Variants in CD109 observed in about 807,000 individuals in gnomAD.
The protein encoded by CD109 is CD109 antigen.
A neutral mutation model predicts 165.8 loss-of-function variants in CD109; 149 were observed. The observed-to-expected ratio is 0.90, with a 90% CI of 0.79 to 1.03. The LOEUF (loss-of-function observed/expected upper bound fraction) is 1.03, where lower values mean the gene tolerates loss of function less well. Among genes scored for constraint, CD109 ranks in the 50% least tolerant of loss-of-function variants. CD109 has a pLI of 0.00. For synonymous variants in CD109, 585 were observed against 592.1 expected, an observed-to-expected ratio of 0.99 and a Z score of 0.18; for missense variants, 1,712 against 1,677.8, an observed-to-expected ratio of 1.02 and a Z score of -0.36.
At chr6:73,688,257 T>C in the CD109 span, among the ~76,000 whole-genome samples, 7 of 152,300 alleles carry the variant, frequency 4.6e-5, no homozygotes, top group Middle Eastern at 6.8e-3. Context: ...AAAATACACA[T>C]ATTGGTCTCT....
At chr6:73,802,302 TATA>T (rs1387031256) in intron 23 of CD109, among the ~76,000 whole-genome samples, 2 of 104,702 alleles carry the variant, frequency 1.9e-5, no homozygotes, top group South Asian at 3.2e-4. Context: ...TATATATATA[TATA>T]TTTTTTTTTT....
rs117601934 is a variant in CD109, at chr6:73,728,683, T to G, written c.277-1661T>G. ...GTTTCTTGCACTTTCTTCATATTCTTAACCACATTGATAGCATTCTGATGT... is the reference window on the plus strand; with the variant it reads ...GTTTCTTGCACTTTCTTCATATTCTGAACCACATTGATAGCATTCTGATGT... On this transcript the variant is annotated intron_variant, in intron 3 of 32. Coordinates refer to ENST00000287097, the MANE Select transcript of CD109 (RefSeq NM_133493.5). Among the ~76,000 whole-genome samples the G allele has an allele frequency of 1.1e-4, 16 of 152,340 alleles. No individual in the cohort carries two copies. In the East Asian group the frequency reaches 2.7e-3, roughly 26 times the overall value.
chr6:73,763,977 T>C (rs1178104688), intron 10 of CD109, among the ~76,000 whole-genome samples: 1 of 152,236 alleles, frequency 6.6e-6, no homozygotes, highest in Non-Finnish European at 1.5e-5. Flanking sequence ...TTAATTGAAA[T>C]AATTACATGG....
At chr6:73,736,862 C>A (rs1034776010) in intron 5 of CD109, among the ~76,000 whole-genome samples, 4 of 152,194 alleles carry the variant, frequency 2.6e-5, no homozygotes, top group African/African-American at 7.2e-5. Flanking sequence ...AGAATAATGA[C>A]TCCTAATGAG....
At chr6:73,732,358 A>G (rs1467947979) in intron 4 of CD109, among the ~76,000 whole-genome samples, 1 of 152,244 alleles carries the variant, frequency 6.6e-6, no homozygotes, top group South Asian at 2.1e-4. Flanking sequence ...AGCCAGTATC[A>G]CATTTGTTGC....
In CD109 at chr6:73,721,305, G is replaced by A. The variant is rs141991071; in HGVS notation, c.248-1946G>A. Among the ~76,000 whole-genome samples, 12 of 152,040 alleles carry A rather than the reference G, an allele frequency of 7.9e-5. No individual in the cohort carries two copies. In the South Asian group the frequency reaches 2.1e-3, roughly 26 times the overall value. On this transcript the variant is annotated intron_variant, in intron 2 of 32. Coordinates refer to ENST00000287097, the MANE Select transcript of CD109 (RefSeq NM_133493.5). ...TAGTCTTCAAAGTGAGTGTGCACACGTCTAAGAGTATATGAGACCATTTAT... is the reference window on the plus strand; with the variant it reads ...TAGTCTTCAAAGTGAGTGTGCACACATCTAAGAGTATATGAGACCATTTAT...
chr6:73,764,880 G>A (rs569438073), intron 10 of CD109, among the ~76,000 whole-genome samples: 2 of 151,892 alleles, frequency 1.3e-5, no homozygotes, highest in African/African-American at 4.8e-5. Flanking sequence ...TGTTGAATGG[G>A]TCGGTAGACG....
At chr6:73,770,842 T>G (rs1225862272) in intron 14 of CD109, among the ~76,000 whole-genome samples, 1 of 152,042 alleles carries the variant, frequency 6.6e-6, no homozygotes, top group African/African-American at 2.4e-5. Flanking sequence ...CTTTATAAAG[T>G]ATTAGTAGGT....
chr6:73,756,781 C>T (rs780861262), intron 6 of CD109, 99 bp downstream of exon 6: 1 of 804,444 alleles, frequency 1.2e-6, no homozygotes, highest in Non-Finnish European at 1.9e-6. Context: ...AAGTAAAAAT[C>T]TCAATGGAGT....
chr6:73,735,471 G>A (rs941958219), intron 4 of CD109, among the ~76,000 whole-genome samples: 2 of 152,070 alleles, frequency 1.3e-5, no homozygotes, highest in East Asian at 1.9e-4. Context: ...GTGGCTGGAT[G>A]TGAGGATGGA....
At chr6:73,803,119 C>G in intron 23 of CD109, 101 bp from the exon 24 acceptor site, 1 of 767,138 alleles carries the variant, frequency 1.3e-6, no homozygotes, top group South Asian at 1.5e-5. Context: ...TCTTCTTTCC[C>G]CCTCTCTGCC....
At chr6:73,734,762 A>G (rs1354506362) in intron 4 of CD109, among the ~76,000 whole-genome samples, 1 of 152,214 alleles carries the variant, frequency 6.6e-6, no homozygotes, top group Non-Finnish European at 1.5e-5. Flanking sequence ...CTGTTCTAAT[A>G]ACTGGCCCCA....
At chr6:73,808,865 G>A (rs547322568) in intron 26 of CD109, among the ~76,000 whole-genome samples, 1 of 151,624 alleles carries the variant, frequency 6.6e-6, no homozygotes, top group African/African-American at 2.4e-5. Flanking sequence ...AGAGATGGAA[G>A]TGGGTGGGCA....
intron 2 of CD109, among the ~76,000 whole-genome samples, chr6:73,722,773 C>G (rs189963025): frequency 6.6e-6 from 1 of 152,104 alleles, no homozygotes; most frequent in Non-Finnish European, 1.5e-5. Flanking sequence ...AAACTTTACA[C>G]GAAAAAAGTC....
intron 4 of CD109, among the ~76,000 whole-genome samples, chr6:73,731,552 G>T (rs1404152431): frequency 6.6e-6 from 1 of 152,240 alleles, no homozygotes; most frequent in Non-Finnish European, 1.5e-5. Context: ...AGGTGGGTTA[G>T]GGTGGGGCTC....
At chr6:73,744,713 CTTTGT>C (rs1312031930) in intron 5 of CD109, among the ~76,000 whole-genome samples, 1 of 152,094 alleles carries the variant, frequency 6.6e-6, no homozygotes, top group Non-Finnish European at 1.5e-5. Flanking sequence ...ATGAGGAGTT[CTTTGT>C]TTTGTTCTTT....
chr6:73,804,736 C>T (rs1454500201), intron 24 of CD109, among the ~76,000 whole-genome samples: 2 of 152,200 alleles, frequency 1.3e-5, no homozygotes, highest in East Asian at 3.9e-4. Flanking sequence ...GCATTCTTCA[C>T]CCACAGCTTT....
chr6:73,701,209 A>T (rs986478696), intron 2 of CD109, among the ~76,000 whole-genome samples: 6 of 151,112 alleles, frequency 4.0e-5, no homozygotes, highest in African/African-American at 1.5e-4. Flanking sequence ...TCTAGTAGTG[A>T]GATTCAAAAG....
intron 5 of CD109, among the ~76,000 whole-genome samples, chr6:73,740,301 C>A (rs1158227693): frequency 3.9e-5 from 6 of 152,152 alleles, no homozygotes; most frequent in African/African-American, 1.4e-4. Flanking sequence ...TTTGTAATGA[C>A]TATACAGGTA....
Sources: gnomAD v4.1 joint callset for allele counts (sites outside exome capture counted in the v4.1 genomes callset) on GRCh38, gnomAD v4.1.1 for gene constraint, MANE v1.5 for transcripts, NCBI Gene and HGNC (gene_info 2026-07-23, HGNC 2026-07-21) for gene names.